ARHGEF38: variants seen among roughly 807,000 people sequenced by gnomAD.
ARHGEF38 encodes Rho guanine nucleotide exchange factor 38.
A neutral mutation model predicts 79.9 loss-of-function variants in ARHGEF38; 79 were observed. That is an observed-to-expected ratio of 0.99 (90% confidence interval 0.82 to 1.19). ARHGEF38 has a LOEUF of 1.19. Among genes scored for constraint, ARHGEF38 ranks in the 50% most tolerant of loss-of-function variants. ARHGEF38 has a pLI of 0.00. For synonymous variants in ARHGEF38, 366 were observed against 328.3 expected, an observed-to-expected ratio of 1.11 and a Z score of -1.24; for missense variants, 962 against 907.2, an observed-to-expected ratio of 1.06 and a Z score of -0.78.
At chr4:105,561,409 A>AATGGAATG (rs1725534563) in intron 1 of ARHGEF38, among the ~76,000 whole-genome samples, 1 of 51,258 alleles carries the variant, frequency 2.0e-5, no homozygotes, top group Non-Finnish European at 3.8e-5. Context: ...ATAATAGAAT[A>AATGGAATG]GAATAGAATA....
intron 2 of ARHGEF38, among the ~76,000 whole-genome samples, chr4:105,594,512 TTCA>T (rs1727489586): frequency 6.6e-6 from 1 of 152,180 alleles, no homozygotes; most frequent in Non-Finnish European, 1.5e-5. Flanking sequence ...TATCATCGGA[TTCA>T]TCATCTTTTC....
At chr4:105,645,872 T>C (rs1729818315) in intron 6 of ARHGEF38, among the ~76,000 whole-genome samples, 1 of 152,370 alleles carries the variant, frequency 6.6e-6, no homozygotes, top group Admixed American at 6.5e-5. Context: ...TCTCTACTGA[T>C]GTGAGCAAGT....
At chr4:105,639,276 A>G (rs1239144366) in intron 5 of ARHGEF38, among the ~76,000 whole-genome samples, 2 of 152,026 alleles carry the variant, frequency 1.3e-5, no homozygotes, top group Non-Finnish European at 2.9e-5. Context: ...ATTAGTGCAT[A>G]TTAACCTTTG....
intron 3 of ARHGEF38, among the ~76,000 whole-genome samples, chr4:105,617,380 T>C (rs28375038): frequency 0.036 from 5,463 of 152,264 alleles, 118 homozygotes; most frequent in Non-Finnish European, 0.053. Flanking sequence ...AATTTATTAA[T>C]TGAAGTAAAA....
intron 9 of ARHGEF38, among the ~76,000 whole-genome samples, chr4:105,657,499 CT>C (rs916572250): frequency 2.0e-5 from 3 of 152,094 alleles, no homozygotes; most frequent in African/African-American, 7.2e-5. Context: ...CATATCTACA[CT>C]TTTTTAGGAC....
At chr4:105,623,253 G>T (rs1472981149) in intron 3 of ARHGEF38, among the ~76,000 whole-genome samples, 3 of 152,210 alleles carry the variant, frequency 2.0e-5, no homozygotes, top group Non-Finnish European at 4.4e-5. Flanking sequence ...TGCATTGGCT[G>T]GCACACAGAG....
At chr4:105,585,710 A>G (rs1206477622) in intron 1 of ARHGEF38, among the ~76,000 whole-genome samples, 1 of 137,382 alleles carries the variant, frequency 7.3e-6, no homozygotes, top group African/African-American at 2.7e-5. Flanking sequence ...TTCTTTCCTA[A>G]ATAGCCCCTC....
chr4:105,587,642 A>G (rs1379547543), intron 1 of ARHGEF38, among the ~76,000 whole-genome samples: 2 of 151,984 alleles, frequency 1.3e-5, no homozygotes, highest in Non-Finnish European at 2.9e-5. Flanking sequence ...TTGTATTTTT[A>G]GTAGAGATGG....
At position 105,666,281 on chromosome 4, in the gene ARHGEF38, G is replaced by A. The variant is rs1468686732; in HGVS notation, c.1650G>A (p.Arg550=). 15 of 1,533,972 alleles carry A rather than the reference G, an allele frequency of 9.8e-6. No individual in the cohort carries two copies. The highest frequency in any genetic ancestry group is 1.0e-5 in the Non-Finnish European group (12 of 1,145,988). Residue 550 remains arginine, a synonymous_variant, in exon 11 of 14, where the codon AGG becomes AGA. Transcript: ENST00000420470. The part of the protein sequence containing the change: ...VKENSATFIE[R]KLSFEKKKPV... ...AAAACAGTGCCACCTTTATTGAGAG[G>A]AAACTCAGTTTTGAAAAGAAGAAAC... is the stretch of plus-strand genomic sequence containing the variant.
chr4:105,649,519 A>T (rs1446890179), intron 7 of ARHGEF38, among the ~76,000 whole-genome samples: 1 of 152,236 alleles, frequency 6.6e-6, no homozygotes, highest in Non-Finnish European at 1.5e-5. Flanking sequence ...TGGTCCTGAG[A>T]TGGTAATATA....
At chr4:105,676,792 A>C (rs944626286) in intron 13 of ARHGEF38, among the ~76,000 whole-genome samples, 31 of 152,104 alleles carry the variant, frequency 2.0e-4, no homozygotes, top group African/African-American at 7.0e-4. Context: ...TAAAGAAGGG[A>C]ACAAGGAAGT....
intron 1 of ARHGEF38, among the ~76,000 whole-genome samples, chr4:105,554,757 A>ATG (rs1553935056): frequency 8.9e-5 from 1 of 11,208 alleles, no homozygotes; most frequent in Admixed American, 9.1e-4. Flanking sequence ...AGATAATTAC[A>ATG]AAACATCTAG....
chr4:105,581,644 A>G (rs1726795200), intron 1 of ARHGEF38, among the ~76,000 whole-genome samples: 1 of 152,128 alleles, frequency 6.6e-6, no homozygotes, highest in African/African-American at 2.4e-5. Flanking sequence ...TTATTTTAAG[A>G]TTCTGTATTA....
chr4:105,648,421 C>A, intron 6 of ARHGEF38, 128 bp from the exon 7 acceptor site: 1 of 839,890 alleles, frequency 1.2e-6, no homozygotes, highest in Non-Finnish European at 1.7e-6. Context: ...ATGGCCTCTG[C>A]AGCAGAGGCT....
chr4:105,652,915 G>C (rs1391535784), intron 7 of ARHGEF38, among the ~76,000 whole-genome samples: 1 of 152,140 alleles, frequency 6.6e-6, no homozygotes, highest in Admixed American at 6.5e-5. Flanking sequence ...TTGATACATT[G>C]AGTTCTAATA....
intron 7 of ARHGEF38, among the ~76,000 whole-genome samples, chr4:105,653,119 G>A (rs1730174839): frequency 6.6e-6 from 1 of 152,100 alleles, no homozygotes; most frequent in Non-Finnish European, 1.5e-5. Context: ...ATTAATAGCA[G>A]CAATAAATGT....
At position 105,600,847 on chromosome 4, in the gene ARHGEF38, C is replaced by A. The variant is rs540462715; in HGVS notation, c.384+11412C>A. Reference sequence around the variant, plus strand: ...TCCCTGGAGTCATCCTTAACTTTTTCTTTCTCTTAATTCCCATATCAGATC... The same window carrying A: ...TCCCTGGAGTCATCCTTAACTTTTTATTTCTCTTAATTCCCATATCAGATC... On this transcript the variant is annotated intron_variant, in intron 2 of 13. Coordinates refer to ENST00000420470, the MANE Select transcript of ARHGEF38 (RefSeq NM_001242729.2). Among the ~76,000 whole-genome samples, 15 of 152,284 alleles carry A rather than the reference C, an allele frequency of 9.9e-5. No individual in the cohort carries two copies. The South Asian group carries it at 3.1e-3, about 32-fold the overall frequency.
intron 2 of ARHGEF38, among the ~76,000 whole-genome samples, chr4:105,612,464 A>G (rs774514878): frequency 1.3e-5 from 2 of 152,118 alleles, no homozygotes; most frequent in Non-Finnish European, 2.9e-5. Context: ...GACCTCATTC[A>G]CAGTAAGTCA....
At chr4:105,619,125 G>A (rs989505692) in intron 3 of ARHGEF38, among the ~76,000 whole-genome samples, 1 of 151,924 alleles carries the variant, frequency 6.6e-6, no homozygotes, top group Non-Finnish European at 1.5e-5. Flanking sequence ...TAAGACAATG[G>A]GGCCATATTT....
Sources: allele counts gnomAD v4.1 joint callset (sites outside exome capture counted in the v4.1 genomes callset), GRCh38; gene constraint gnomAD v4.1.1; transcripts MANE v1.5; gene names NCBI Gene and HGNC (gene_info 2026-07-23, HGNC 2026-07-21).